Variants in FAM13C observed in about 807,000 individuals in gnomAD.
FAM13C encodes protein FAM13C.
Under a neutral mutation model 73.2 loss-of-function variants are expected in FAM13C, and 37 were observed. That is an observed-to-expected ratio of 0.51 (90% CI 0.39 to 0.67). FAM13C has a LOEUF of 0.67. FAM13C is among the 30% of genes least tolerant of loss of function. The pLI is 0.00. For missense variants in FAM13C, 589 were observed against 715.6 expected (o/e 0.82, Z 2.02); for synonymous variants, 246 against 260.9 (o/e 0.94, Z 0.55).
intron 5 of FAM13C, among the ~76,000 whole-genome samples, chr10:59,295,528 C>A (rs1413991554): frequency 6.6e-6 from 1 of 152,126 alleles, no homozygotes; most frequent in African/African-American, 2.4e-5. Context: ...CCTGAAGAAG[C>A]TGGGACGGGG....
intron 12 of FAM13C, among the ~76,000 whole-genome samples, chr10:59,252,452 A>G (rs1841486693): frequency 6.6e-6 from 1 of 152,086 alleles, no homozygotes; most frequent in African/African-American, 2.4e-5. Context: ...ATTAAATCTC[A>G]TAATCTGGGC....
intron 4 of FAM13C, among the ~76,000 whole-genome samples, chr10:59,317,630 C>G (rs1849698627): frequency 6.6e-6 from 1 of 152,098 alleles, no homozygotes. Flanking sequence ...ACTCATCTTA[C>G]TGGTCTTATG....
intron 5 of FAM13C, among the ~76,000 whole-genome samples, chr10:59,290,696 G>A (rs185548913): frequency 6.6e-6 from 1 of 152,220 alleles, no homozygotes; most frequent in Admixed American, 6.5e-5. Flanking sequence ...CACAAGGCTC[G>A]CCACATTATG....
intron 4 of FAM13C, among the ~76,000 whole-genome samples, chr10:59,317,678 C>T (rs1382784619): frequency 2.0e-5 from 3 of 152,090 alleles, no homozygotes; most frequent in Non-Finnish European, 2.9e-5. Context: ...ATTGTATAAT[C>T]ATAATGCATT....
At position 59,355,902 on chromosome 10, in the gene FAM13C, T is replaced by C; in HGVS notation, c.104A>G (p.Asp35Gly). ...DPVSLHEDQT[D>G]CSSLRDENNK... is the part of the protein sequence containing the mutation. ...TGGCTTTTACCTGAGACTGGAGCAA[T>C]CAGTCTGGTCTTCATGTAGAGAGAC... The change falls in exon 2 of 14, where the codon GAT (aspartate) becomes GGT (glycine). Residue 35 changes from aspartate (D) to glycine (G), a missense_variant. Physicochemically the swap from Asp to Gly is moderately conservative, Grantham distance 94. Transcript: ENST00000618804. 6.2e-7 allele frequency: 1 copy of C among 1,613,950 alleles called. No homozygotes were observed. The highest frequency in any genetic ancestry group is 8.5e-7 in the Non-Finnish European group (1 of 1,179,862).
At chr10:59,277,425 C>T (rs2133628167) in intron 6 of FAM13C, among the ~76,000 whole-genome samples, 1 of 152,178 alleles carries the variant, frequency 6.6e-6, no homozygotes. Context: ...AATAGAGATC[C>T]CTTGTATACT....
At chr10:59,329,342 GTTTTTTTTTTTTTTTTTTTTT>G (rs71006247) in intron 3 of FAM13C, among the ~76,000 whole-genome samples, 27 of 77,310 alleles carry the variant, frequency 3.5e-4, no homozygotes, top group African/African-American at 9.5e-4. Flanking sequence ...TTTCTTTCTG[GTTTTTTTTTTTTTTTTTTTTT>G]TTTTTTTTTT....
At chr10:59,344,370 C>A (rs867054700) in intron 3 of FAM13C, among the ~76,000 whole-genome samples, 2 of 151,564 alleles carry the variant, frequency 1.3e-5, no homozygotes, top group African/African-American at 4.9e-5. Context: ...GTTCCGCCCC[C>A]CAGGTTCACG....
upstream of FAM13C, chr10:59,363,052 G>GT (rs1856584627): frequency 1.3e-5 from 2 of 159,218 alleles, no homozygotes; most frequent in Admixed American, 6.5e-5. Context: ...TTGTGTGTGT[G>GT]TTTTTTGTTG....
At chr10:59,323,572 A>G (rs139907087) in intron 4 of FAM13C, 1 of 221,188 alleles carries the variant, frequency 4.5e-6, no homozygotes, top group Non-Finnish European at 9.1e-6. Flanking sequence ...CAGCTTTACG[A>G]GAAAGTAGAG....
chr10:59,304,490 G>A (rs1409594880), intron 4 of FAM13C, among the ~76,000 whole-genome samples: 1 of 151,874 alleles, frequency 6.6e-6, no homozygotes, highest in East Asian at 1.9e-4. Flanking sequence ...ATAATTTTGA[G>A]TGAAAACCAA....
intron 4 of FAM13C, among the ~76,000 whole-genome samples, chr10:59,313,393 T>C (rs563422608): frequency 5.3e-4 from 81 of 152,212 alleles, no homozygotes; most frequent in Non-Finnish European, 9.1e-4. Context: ...GTCTCCTTTG[T>C]TGCACACGAG....
At position 59,254,402 on chromosome 10, in the gene FAM13C, G is replaced by A; in HGVS notation, c.1278C>T (p.Asp426=). Residue 426 remains aspartate (D), a synonymous_variant, in exon 11 of 14, where the codon GAC becomes GAT. Transcript: ENST00000618804. ...QDKNLIKPLY[D]RYRIIKQILS... is the part of the protein sequence containing the mutation. ...AGATTTGCTTGATAATTCTGTATCG[G>A]TCATAAAGCGGCTTTATGAGGTTCT... The A allele has an allele frequency of 6.4e-7, 1 of 1,558,506 alleles. No homozygotes were observed. Among genetic ancestry groups the A allele is most frequent in the African/African-American group, 1.4e-5 (1 of 72,646 alleles).
intron 2 of FAM13C, 29 bp downstream of exon 2, chr10:59,355,858 A>G (rs775470660): frequency 4.3e-6 from 7 of 1,611,290 alleles, no homozygotes; most frequent in Non-Finnish European, 5.9e-6. Context: ...GTCTCTCACA[A>G]ATATGAACCA....
intron 3 of FAM13C, among the ~76,000 whole-genome samples, chr10:59,326,758 A>G (rs1330027658): frequency 1.3e-5 from 2 of 152,164 alleles, no homozygotes. Context: ...TCTAATTTCT[A>G]GGCTTTAAGT....
At chr10:59,280,996 G>C (rs893207721) in intron 6 of FAM13C, among the ~76,000 whole-genome samples, 1 of 151,982 alleles carries the variant, frequency 6.6e-6, no homozygotes, top group Non-Finnish European at 1.5e-5. Context: ...TCAAAATCAC[G>C]GATTTTGTCC....
At chr10:59,260,980 A>G (rs936613452) in intron 10 of FAM13C, among the ~76,000 whole-genome samples, 1 of 152,144 alleles carries the variant, frequency 6.6e-6, no homozygotes, top group Non-Finnish European at 1.5e-5. Flanking sequence ...ATCCTGTTCT[A>G]ACTCTACTAT....
At chr10:59,269,633 G>A (rs1303451207) in intron 7 of FAM13C, among the ~76,000 whole-genome samples, 1 of 152,162 alleles carries the variant, frequency 6.6e-6, no homozygotes, top group Non-Finnish European at 1.5e-5. Flanking sequence ...ACTTACTTAA[G>A]ATTCTGGTCA....
intron 3 of FAM13C, among the ~76,000 whole-genome samples, chr10:59,331,912 CAG>C (rs1385757366): frequency 6.6e-6 from 1 of 151,990 alleles, no homozygotes; most frequent in African/African-American, 2.4e-5. Flanking sequence ...GGAAGAGAAA[CAG>C]TGTTCATGGA....
Sources: gnomAD v4.1 joint callset for allele counts (sites outside exome capture counted in the v4.1 genomes callset) on GRCh38, gnomAD v4.1.1 for gene constraint, MANE v1.5 for transcripts, NCBI Gene and HGNC (gene_info 2026-07-23, HGNC 2026-07-21) for gene names.